The following PDE1A variants were observed in gnomAD, a reference collection of about 807,000 sequenced individuals.
PDE1A encodes dual specificity calcium/calmodulin-dependent 3',5'-cyclic nucleotide phosphodiesterase 1A.
In PDE1A, 35 loss-of-function variants were observed where a neutral mutation model predicts 61.7. The ratio of observed to expected loss-of-function variants is 0.57; its 90% CI spans 0.43 to 0.75. PDE1A has a LOEUF of 0.75. Ranked by LOEUF, PDE1A falls within the 30% of genes least tolerant of loss-of-function variation. PDE1A has a pLI of 0.00. For synonymous variants in PDE1A, 232 were observed against 213.2 expected, an observed-to-expected ratio of 1.09 and a Z score of -0.77; for missense variants, 597 against 630.6, an observed-to-expected ratio of 0.95 and a Z score of 0.57.
At chr2:182,306,680 A>T (rs1330679939) in intron 1 of PDE1A, among the ~76,000 whole-genome samples, 1 of 152,204 alleles carries the variant, frequency 6.6e-6, no homozygotes, top group Non-Finnish European at 1.5e-5. Context: ...CAGTCAATTG[A>T]TTTTTGATGA....
chr2:182,324,365 T>C (rs1002426937), intron 1 of PDE1A, among the ~76,000 whole-genome samples: 9 of 151,912 alleles, frequency 5.9e-5, no homozygotes, highest in African/African-American at 2.2e-4. Flanking sequence ...TATACAAATT[T>C]AGGCATATTT....
chr2:182,491,941 G>A (rs2125885114), intron 2 of PDE1A, among the ~76,000 whole-genome samples: 1 of 152,200 alleles, frequency 6.6e-6, no homozygotes, highest in Middle Eastern at 3.4e-3. Flanking sequence ...GTAACATTAA[G>A]ATTCCTTGCT....
the PDE1A span, among the ~76,000 whole-genome samples, chr2:182,600,787 ATTC>A: frequency 6.6e-6 from 1 of 152,292 alleles, no homozygotes; most frequent in South Asian, 2.1e-4. Flanking sequence ...TGGCTCAATA[ATTC>A]TTCTTCCTAT....
At chr2:182,236,723 T>G (rs1484947247) in intron 3 of PDE1A, among the ~76,000 whole-genome samples, 1 of 152,204 alleles carries the variant, frequency 6.6e-6, no homozygotes, top group East Asian at 1.9e-4. Flanking sequence ...GCAGCCAATA[T>G]CATTGGTTCA....
At chr2:182,567,175 T>C in the PDE1A span, among the ~76,000 whole-genome samples, 1 of 152,156 alleles carries the variant, frequency 6.6e-6, no homozygotes, top group Non-Finnish European at 1.5e-5. Context: ...TGCTATAACA[T>C]TACCATGAGA....
chr2:182,655,982 G>A, the PDE1A span, among the ~76,000 whole-genome samples: 4 of 152,352 alleles, frequency 2.6e-5, no homozygotes, highest in Non-Finnish European at 4.4e-5. Context: ...GGGTTTCACA[G>A]TGTCCTGATT....
chr2:182,484,649 A>G (rs1424316544), intron 2 of PDE1A, among the ~76,000 whole-genome samples: 1 of 152,088 alleles, frequency 6.6e-6, no homozygotes, highest in Admixed American at 6.6e-5. Context: ...TCTATAAGGA[A>G]CTTAAACTAA....
At chr2:182,434,036 T>C (rs1704087235) in intron 2 of PDE1A, among the ~76,000 whole-genome samples, 1 of 152,082 alleles carries the variant, frequency 6.6e-6, no homozygotes, top group South Asian at 2.1e-4. Context: ...GTGTGCATCA[T>C]AATCTGTTTA....
At chr2:182,420,004 G>A (rs1703173466) in intron 1 of PDE1A, among the ~76,000 whole-genome samples, 1 of 150,284 alleles carries the variant, frequency 6.7e-6, no homozygotes, top group Admixed American at 6.6e-5. Context: ...AATTATAATA[G>A]AATTATAATA....
the PDE1A span, among the ~76,000 whole-genome samples, chr2:182,649,772 G>A: frequency 6.6e-6 from 1 of 152,004 alleles, no homozygotes; most frequent in South Asian, 2.1e-4. Context: ...ACCACGTCCG[G>A]CTAATTTTTG....
chr2:182,683,096 T>C, the PDE1A span, among the ~76,000 whole-genome samples: 2 of 140,250 alleles, frequency 1.4e-5, no homozygotes, highest in Non-Finnish European at 3.1e-5. Context: ...TTTTCTTTTC[T>C]TTTTTTTTTT....
intron 1 of PDE1A, among the ~76,000 whole-genome samples, chr2:182,269,124 G>A (rs1692835664): frequency 6.6e-6 from 1 of 151,992 alleles, no homozygotes; most frequent in African/African-American, 2.4e-5. Flanking sequence ...TAGATAAAAT[G>A]AATTATTTTC....
At chr2:182,161,329 T>C (rs972975193) in intron 13 of PDE1A, among the ~76,000 whole-genome samples, 1 of 152,004 alleles carries the variant, frequency 6.6e-6, no homozygotes, top group Non-Finnish European at 1.5e-5. Context: ...TATCTAGTGT[T>C]AAAGTGAGGA....
Position 182,368,454 on chromosome 2 carries a change from A to G in PDE1A, c.53+58124T>C, listed in dbSNP as rs141226731. On this transcript the variant is annotated intron_variant, in intron 1 of 13. Coordinates refer to ENST00000351439, the Ensembl canonical transcript of PDE1A. Reference sequence around the variant, plus strand: ...TTCATTCCATTTATCTGTTGAAGGAACCATCTCACTTGTCCTATAGAATGT... The same window carrying G: ...TTCATTCCATTTATCTGTTGAAGGAGCCATCTCACTTGTCCTATAGAATGT... Among the ~76,000 whole-genome samples the G allele has an allele frequency of 7.9e-3, 1,201 of 151,806 alleles. 8 individuals are homozygous for G. Among genetic ancestry groups the G allele is most frequent in the South Asian group, 0.019 (92 of 4,810 alleles).
intron 10 of PDE1A, among the ~76,000 whole-genome samples, chr2:182,199,636 TTGAG>T (rs1686441098): frequency 1.3e-5 from 2 of 152,260 alleles, no homozygotes; most frequent in South Asian, 4.1e-4. Flanking sequence ...GGTTGATTGA[TTGAG>T]TATATCATTA....
chr2:182,185,938 G>A, exon 13 of PDE1A: 2 of 1,614,032 alleles, frequency 1.2e-6, no homozygotes, highest in Non-Finnish European at 1.7e-6. Flanking sequence ...GCTGAATGAT[G>A]TCCACCAGGT....
At chr2:182,563,979 G>T in the PDE1A span, among the ~76,000 whole-genome samples, 8 of 152,030 alleles carry the variant, frequency 5.3e-5, no homozygotes, top group African/African-American at 1.9e-4. Context: ...CCTGAATACA[G>T]CACACTGATG....
At chr2:182,144,857 C>T (rs1294201892), downstream of PDE1A, among the ~76,000 whole-genome samples, 11 of 152,156 alleles carry the variant, frequency 7.2e-5, no homozygotes. Flanking sequence ...CTTTCTTAAC[C>T]ACTAGAAACA....
intron 2 of PDE1A, among the ~76,000 whole-genome samples, chr2:182,256,067 T>C (rs1293194698): frequency 7.2e-6 from 1 of 139,802 alleles, no homozygotes; most frequent in Non-Finnish European, 1.5e-5. Context: ...TTCTTGTTTA[T>C]TTTTCTTTTA....
Sources: gnomAD v4.1 joint callset for allele counts (sites outside exome capture counted in the v4.1 genomes callset) on GRCh38, gnomAD v4.1.1 for gene constraint, MANE v1.5 for transcripts, NCBI Gene and HGNC (gene_info 2026-07-23, HGNC 2026-07-21) for gene names.